Variants in PKD1L1 observed in about 807,000 individuals in gnomAD.
PKD1L1 encodes the protein polycystin 1 like 1, transient receptor potential channel interacting.
In PKD1L1, 236 loss-of-function variants were observed where a neutral mutation model predicts 323.4. The observed-to-expected ratio is 0.73, with a 90% CI of 0.66 to 0.81. The LOEUF (loss-of-function observed/expected upper bound fraction) is 0.81, where lower values mean the gene tolerates loss of function less well. Among genes scored for constraint, PKD1L1 ranks in the 40% least tolerant of loss-of-function variants. The probability of loss-of-function intolerance (pLI) is 0.00; values close to 1 mark genes in which losing one functional copy is unlikely to be tolerated. For synonymous variants in PKD1L1, 1,344 were observed against 1,335.0 expected (o/e 1.01, Z -0.15); for missense variants, 3,320 against 3,508.0 (o/e 0.95, Z 1.35).
At chr7:47,807,420 G>A (rs1784803323) in intron 52 of PKD1L1, among the ~76,000 whole-genome samples, 1 of 152,080 alleles carries the variant, frequency 6.6e-6, no homozygotes. Context: ...CTGGGGAGAA[G>A]GGGCCTGAAG....
intron 50 of PKD1L1, among the ~76,000 whole-genome samples, chr7:47,810,289 C>A (rs891780789): frequency 2.6e-5 from 4 of 152,186 alleles, no homozygotes; most frequent in African/African-American, 7.2e-5. Context: ...CAGTGCTGTG[C>A]TGAGCCTTAT....
At chr7:47,780,283 CCT>C (rs1330636411) in intron 56 of PKD1L1, among the ~76,000 whole-genome samples, 1 of 152,112 alleles carries the variant, frequency 6.6e-6, no homozygotes, top group Non-Finnish European at 1.5e-5. Flanking sequence ...TCTTTTCATC[CCT>C]GACTCCTGGC....
chr7:47,820,831 C>T (rs1201749791), intron 46 of PKD1L1, among the ~76,000 whole-genome samples: 3 of 152,158 alleles, frequency 2.0e-5, no homozygotes, highest in African/African-American at 4.8e-5. Context: ...AAAGAAACTG[C>T]AAGACCCTGT....
chr7:47,798,766 AC>A (rs1562934731), intron 54 of PKD1L1, among the ~76,000 whole-genome samples: 9 of 147,572 alleles, frequency 6.1e-5, no homozygotes, highest in Admixed American at 2.7e-4. Context: ...AAAAAAAAAA[AC>A]AAAAAAACCA....
intron 9 of PKD1L1, among the ~76,000 whole-genome samples, chr7:47,906,413 CCA>C (rs942812934): frequency 6.6e-6 from 1 of 152,092 alleles, no homozygotes; most frequent in African/African-American, 2.4e-5. Context: ...CATACACATA[CCA>C]CACATATAGC....
intron 8 of PKD1L1, among the ~76,000 whole-genome samples, chr7:47,915,017 C>T (rs1243526694): frequency 6.6e-6 from 1 of 152,248 alleles, no homozygotes; most frequent in East Asian, 1.9e-4. Flanking sequence ...ATTTGCTTAT[C>T]ATGCTACATT....
At chr7:47,841,970 C>T (rs371192338) in intron 34 of PKD1L1, among the ~76,000 whole-genome samples, 27 of 152,274 alleles carry the variant, frequency 1.8e-4, no homozygotes, top group African/African-American at 6.0e-4. Flanking sequence ...TCATCCTGTA[C>T]GAAGAACCAT....
Position 47,803,286 on chromosome 7 carries a change from A to T in PKD1L1, c.7886T>A (p.Leu2629His). 13 of 1,614,150 alleles carry T rather than the reference A, an allele frequency of 8.1e-6. No individual in the cohort carries two copies. Among genetic ancestry groups the T allele is most frequent in the Non-Finnish European group, 1.0e-5 (12 of 1,180,040 alleles). Residue 2629 changes from leucine (L) to histidine (H), a missense_variant, in exon 53 of 57, where the codon CTT becomes CAT. By Grantham distance (99) the Leu-to-His change is moderately conservative. Transcript: ENST00000289672. Reference protein sequence around the residue: ...LFLFTLKCVYLPGIQNTMASC... With the variant: ...LFLFTLKCVYHPGIQNTMASC... Reference sequence around the variant, plus strand: ...TGCCATTGTGTTTTGAATGCCAGGAAGATAGACGCATTTTAATGTGAAGAG... The same window carrying T: ...TGCCATTGTGTTTTGAATGCCAGGATGATAGACGCATTTTAATGTGAAGAG...
At chr7:47,866,339 G>A in intron 25 of PKD1L1, 80 bp downstream of exon 25, 5 of 1,453,646 alleles carry the variant, frequency 3.4e-6, no homozygotes, top group Non-Finnish European at 4.7e-6. Flanking sequence ...ATGACCACTT[G>A]CTAGTGAGCC....
chr7:47,811,004 C>T (rs994084306), intron 50 of PKD1L1, among the ~76,000 whole-genome samples: 33 of 152,114 alleles, frequency 2.2e-4, no homozygotes, highest in Admixed American at 9.8e-4. Flanking sequence ...GCTCTCTTTC[C>T]CTGTGTATAC....
chr7:47,854,804 C>A (rs1194008951), intron 30 of PKD1L1, 78 bp downstream of exon 30: 3 of 1,493,412 alleles, frequency 2.0e-6, no homozygotes, highest in Non-Finnish European at 2.7e-6. Context: ...ATTTAATTCA[C>A]TGATTTTTTG....
intron 45 of PKD1L1, among the ~76,000 whole-genome samples, chr7:47,821,919 T>A (rs1380046995): frequency 6.6e-6 from 1 of 150,788 alleles, no homozygotes; most frequent in Non-Finnish European, 1.5e-5. Context: ...AAACTCTTGA[T>A]ATCAGGTGAT....
intron 38 of PKD1L1, 34 bp downstream of exon 38, chr7:47,835,099 G>T: frequency 6.2e-7 from 1 of 1,606,994 alleles, no homozygotes; most frequent in Non-Finnish European, 8.5e-7. Flanking sequence ...GGGCTGCTCA[G>T]GAGAACAGGG....
intron 2 of PKD1L1, among the ~76,000 whole-genome samples, chr7:47,943,152 A>G (rs2128759008): frequency 1.6e-5 from 1 of 63,836 alleles, no homozygotes. Flanking sequence ...TCTCAAAAAA[A>G]AAAAAAAAAA....
Position 47,796,076 on chromosome 7 carries a change from A to ATCTT in PKD1L1, c.8264_8267dup (p.Asp2756GlufsTer26). ...CCTTTTCCCACATATAAGCAGTGAC[A>ATCTT]TCTTTAAGTCTCACAAAAGATTTAC... On this transcript the variant is annotated frameshift_variant, in exon 55 of 57. Transcript: ENST00000289672. LOFTEE classifies it high-confidence loss of function. The ATCTT allele has an allele frequency of 6.2e-7, 1 of 1,612,066 alleles. No homozygotes were observed. The highest frequency in any genetic ancestry group is 8.5e-7 in the Non-Finnish European group (1 of 1,178,524).
chr7:47,935,557 A>G (rs1169842193), intron 4 of PKD1L1, among the ~76,000 whole-genome samples: 1 of 152,224 alleles, frequency 6.6e-6, no homozygotes, highest in Non-Finnish European at 1.5e-5. Flanking sequence ...GGAGACTGCA[A>G]TGGGGGGGAA....
chr7:47,850,768 T>C (rs1258395017), intron 31 of PKD1L1, among the ~76,000 whole-genome samples: 1 of 152,086 alleles, frequency 6.6e-6, no homozygotes, highest in Non-Finnish European at 1.5e-5. Context: ...TTTGACTATG[T>C]GCTCTTACTG....
intron 28 of PKD1L1, among the ~76,000 whole-genome samples, chr7:47,857,192 T>G (rs1324626331): frequency 6.6e-6 from 1 of 152,226 alleles, no homozygotes; most frequent in African/African-American, 2.4e-5. Flanking sequence ...CAGCCCCTTC[T>G]TAAGCGTCAT....
At position 47,885,996 on chromosome 7, in the gene PKD1L1, C is replaced by T; in HGVS notation, c.2895G>A (p.Glu965=). 6.2e-7 allele frequency: 1 copy of T among 1,614,186 alleles called. No homozygotes were observed. The highest frequency in any genetic ancestry group is 2.2e-5 in the East Asian group (1 of 44,886). ...TGGGCAGCAGGTTTAACTGTGATGACTCTGAAATGGCACCGAGTCCCAGCG... is the reference window on the plus strand; with the variant it reads ...TGGGCAGCAGGTTTAACTGTGATGATTCTGAAATGGCACCGAGTCCCAGCG... ...LGSLGLGAIS[E]SSQLNLLPTE... The change falls in exon 18 of 57, where the codon GAG becomes GAA. Residue 965 remains glutamate, a synonymous_variant. Coordinates refer to ENST00000289672, the MANE Select transcript of PKD1L1 (RefSeq NM_138295.5).
Sources: allele counts gnomAD v4.1 joint callset (sites outside exome capture counted in the v4.1 genomes callset), GRCh38; gene constraint gnomAD v4.1.1; transcripts MANE v1.5; gene names NCBI Gene and HGNC (gene_info 2026-07-23, HGNC 2026-07-21).